Variants in POU2F3 observed in about 807,000 individuals in gnomAD.
The protein encoded by POU2F3 is POU domain, class 2, transcription factor 3.
Under a neutral mutation model 59.2 loss-of-function variants are expected in POU2F3, and 23 were observed. The observed-to-expected ratio is 0.39, with a 90% confidence interval of 0.28 to 0.55. The LOEUF is 0.55. POU2F3 is among the 20% of genes least tolerant of loss of function. The pLI, the probability that POU2F3 is intolerant of heterozygous loss-of-function variation, is 0.66. For missense variants in POU2F3, 473 were observed against 544.5 expected (o/e 0.87, Z 1.31); for synonymous variants, 190 against 214.6 (o/e 0.89, Z 1.00).
chr11:120,243,642 C>G (rs922976952), intron 1 of POU2F3, among the ~76,000 whole-genome samples: 2 of 152,186 alleles, frequency 1.3e-5, no homozygotes, highest in Non-Finnish European at 2.9e-5. Flanking sequence ...TGCTGTCCGA[C>G]AGGTGAAGGG....
chr11:120,284,677 C>T (rs552261172), intron 3 of POU2F3, among the ~76,000 whole-genome samples: 121 of 152,358 alleles, frequency 7.9e-4, no homozygotes, highest in African/African-American at 2.8e-3. Flanking sequence ...GCTGCCTCTC[C>T]TGGCCATTTG....
intron 3 of POU2F3, among the ~76,000 whole-genome samples, chr11:120,286,846 C>A (rs1473085453): frequency 6.6e-6 from 1 of 151,764 alleles, no homozygotes; most frequent in Non-Finnish European, 1.5e-5. Flanking sequence ...ATCTTGATGT[C>A]CGCGCAGAGT....
intron 10 of POU2F3, among the ~76,000 whole-genome samples, chr11:120,312,106 A>C (rs1339163362): frequency 6.6e-6 from 1 of 152,116 alleles, no homozygotes; most frequent in South Asian, 2.1e-4. Context: ...AAGGCATGGA[A>C]TTTTTTAAAT....
rs987788308 is a variant in POU2F3 at position 120,305,108 on chromosome 11, C to A, written c.523C>A (p.His175Asn). ...EASQHLPVPK[H>N]LPSSGGADEP... is the part of the protein sequence containing the mutation. ...ATCCCAGCATCTCCCAGTGCCCAAG[C>A]ATCTACCCAGCTCTGGAGGGGCCGA... Residue 175 changes from histidine (H) to asparagine (N), a missense_variant, in exon 7 of 13, where the codon CAT becomes AAT. Transcript: ENST00000543440. The A allele has an allele frequency of 1.9e-6, 3 of 1,613,992 alleles. No individual in the cohort carries two copies. The Admixed American group carries it at 5.0e-5, about 27-fold the overall frequency.
intron 3 of POU2F3, among the ~76,000 whole-genome samples, chr11:120,278,248 A>G (rs1319444333): frequency 6.6e-6 from 1 of 152,174 alleles, no homozygotes; most frequent in South Asian, 2.1e-4. Flanking sequence ...ATGGGATGCA[A>G]AGAAGTGTTT....
At chr11:120,238,992 A>G (rs533893607), upstream of POU2F3, among the ~76,000 whole-genome samples, 2 of 152,298 alleles carry the variant, frequency 1.3e-5, no homozygotes, top group East Asian at 3.9e-4. Flanking sequence ...TGGTCACCCC[A>G]GTGCTTGATA....
intron 2 of POU2F3, among the ~76,000 whole-genome samples, chr11:120,262,303 C>T (rs2847494): frequency 0.47 from 71,881 of 152,094 alleles, 21,065 homozygotes; most frequent in East Asian, 1. Context: ...TCTATTTTTC[C>T]GAAGTATTTT....
At chr11:120,264,612 C>T (rs1939751531) in intron 2 of POU2F3, among the ~76,000 whole-genome samples, 1 of 152,162 alleles carries the variant, frequency 6.6e-6, no homozygotes, top group Non-Finnish European at 1.5e-5. Flanking sequence ...CCCAGCTCTG[C>T]AGTTTAGAAG....
chr11:120,250,145 C>G (rs1386712876), intron 2 of POU2F3: 1 of 152,230 alleles, frequency 6.6e-6, no homozygotes, highest in African/African-American at 2.4e-5. Context: ...TTTTGTGCAG[C>G]TTTCCTCAGC....
intron 3 of POU2F3, among the ~76,000 whole-genome samples, chr11:120,284,908 T>A (rs1940722902): frequency 6.6e-6 from 1 of 152,220 alleles, no homozygotes; most frequent in Non-Finnish European, 1.5e-5. Flanking sequence ...GTCTTCCTCC[T>A]TTTAATCCTG....
At chr11:120,310,077 C>G (rs1481521459) in intron 10 of POU2F3, among the ~76,000 whole-genome samples, 1 of 152,194 alleles carries the variant, frequency 6.6e-6, no homozygotes, top group Non-Finnish European at 1.5e-5. Context: ...TTGGAGAGCT[C>G]TAGCCAGAGA....
intron 3 of POU2F3, 145 bp from the exon 4 acceptor site, chr11:120,298,120 G>T: frequency 9.3e-7 from 1 of 1,070,690 alleles, no homozygotes; most frequent in Non-Finnish European, 1.3e-6. Context: ...GGCAGGAAAA[G>T]TAAGCTGCAG....
At chr11:120,245,785 C>A (rs934827841) in intron 1 of POU2F3, among the ~76,000 whole-genome samples, 1 of 152,116 alleles carries the variant, frequency 6.6e-6, no homozygotes, top group Admixed American at 6.5e-5. Flanking sequence ...GGCACTGACC[C>A]GCTGCCATCC....
Position 120,250,934 on chromosome 11 carries a change from G to A in POU2F3, c.97+4417G>A, listed in dbSNP as rs531754252. On this transcript the variant is annotated intron_variant, in intron 2 of 12. Coordinates refer to ENST00000543440, the MANE Select transcript of POU2F3 (RefSeq NM_014352.4). ...AGAGGTTGCAGTGAGCCGAGATCGC[G>A]CCACTGCACTCCAGCCTGGGTGACA... 8.6e-5 allele frequency among the ~76,000 whole-genome samples: 13 copies of A among 151,592 alleles called. No homozygotes were observed. The South Asian group carries it at 2.5e-3, about 29-fold the overall frequency.
intron 3 of POU2F3, among the ~76,000 whole-genome samples, chr11:120,272,596 T>C (rs950246911): frequency 6.6e-6 from 1 of 152,204 alleles, no homozygotes; most frequent in Admixed American, 6.5e-5. Flanking sequence ...CCAGGCCAGT[T>C]GGTGCAGCCA....
chr11:120,270,431 C>T (rs1940011403), intron 3 of POU2F3, among the ~76,000 whole-genome samples: 2 of 152,108 alleles, frequency 1.3e-5, no homozygotes, highest in South Asian at 4.2e-4. Context: ...GAATTCTTCC[C>T]AGGAGCTCAG....
At chr11:120,289,385 C>A (rs1165237365) in intron 3 of POU2F3, among the ~76,000 whole-genome samples, 1 of 152,174 alleles carries the variant, frequency 6.6e-6, no homozygotes, top group Non-Finnish European at 1.5e-5. Flanking sequence ...CGGCTACCCT[C>A]GCTACAGTCA....
At chr11:120,260,534 T>C (rs1389056364) in intron 2 of POU2F3, among the ~76,000 whole-genome samples, 2 of 152,184 alleles carry the variant, frequency 1.3e-5, no homozygotes, top group African/African-American at 2.4e-5. Flanking sequence ...GGAGATTGTA[T>C]TGGAATCCTG....
chr11:120,315,830 T>C (rs1941769339), intron 11 of POU2F3, among the ~76,000 whole-genome samples: 1 of 151,352 alleles, frequency 6.6e-6, no homozygotes, highest in Non-Finnish European at 1.5e-5. Context: ...GTCTGCTTCA[T>C]GTCCTGACAT....
Sources: gnomAD v4.1 joint callset for allele counts (sites outside exome capture counted in the v4.1 genomes callset) on GRCh38, gnomAD v4.1.1 for gene constraint, MANE v1.5 for transcripts, NCBI Gene and HGNC (gene_info 2026-07-23, HGNC 2026-07-21) for gene names.